The following ROBO1 variants were observed in gnomAD, a reference collection of about 807,000 sequenced individuals.
The protein encoded by ROBO1 is roundabout homolog 1.
ROBO1 carries 149 observed loss-of-function variants against 195.9 expected under a neutral mutation model. That is an observed-to-expected ratio of 0.76 (90% CI 0.67 to 0.87). The LOEUF is 0.87. ROBO1 is among the 40% of genes least tolerant of loss of function. The pLI, the probability that ROBO1 is intolerant of heterozygous loss-of-function variation, is 0.00. For synonymous variants in ROBO1, 816 were observed against 733.2 expected, an observed-to-expected ratio of 1.11 and a Z score of -1.82; for missense variants, 1,933 against 2,068.3, an observed-to-expected ratio of 0.93 and a Z score of 1.27.
chr3:79,228,618 T>A (rs2082267507), intron 2 of ROBO1, among the ~76,000 whole-genome samples: 1 of 152,126 alleles, frequency 6.6e-6, no homozygotes, highest in Non-Finnish European at 1.5e-5. Context: ...CAAATATTTC[T>A]CCAAAATTAG....
chr3:79,235,997 G>A (rs2082400251), intron 2 of ROBO1, among the ~76,000 whole-genome samples: 1 of 151,926 alleles, frequency 6.6e-6, no homozygotes, highest in Non-Finnish European at 1.5e-5. Flanking sequence ...CTTTCTCACA[G>A]AGAAGTTATC....
At chr3:79,280,318 T>C (rs1011243793) in intron 2 of ROBO1, among the ~76,000 whole-genome samples, 10 of 152,306 alleles carry the variant, frequency 6.6e-5, no homozygotes, top group African/African-American at 2.4e-4. Flanking sequence ...TTATATGTTT[T>C]GAAATATCAT....
At chr3:79,343,350 C>A (rs752212666) in intron 2 of ROBO1, among the ~76,000 whole-genome samples, 17 of 151,926 alleles carry the variant, frequency 1.1e-4, no homozygotes, top group Non-Finnish European at 2.1e-4. Flanking sequence ...GAGTAAATAC[C>A]GAGGAGTGTG....
intron 1 of ROBO1, among the ~76,000 whole-genome samples, chr3:79,605,931 T>C (rs1387788818): frequency 1.3e-5 from 2 of 151,730 alleles, no homozygotes; most frequent in Non-Finnish European, 2.9e-5. Context: ...CTCAGTGTAA[T>C]ATGTATAAAG....
At chr3:79,632,681 A>G (rs965928491) in intron 1 of ROBO1, among the ~76,000 whole-genome samples, 1 of 152,198 alleles carries the variant, frequency 6.6e-6, no homozygotes, top group Non-Finnish European at 1.5e-5. Context: ...AACTGTACAT[A>G]TTGTGGAAGA....
In ROBO1 at chr3:79,590,058, AT is replaced by A. The variant is rs1190822009; in HGVS notation, c.-50-98del. The stretch of plus-strand genomic sequence containing the variant: ...GCAGTTCAAATAGATTTGAAATGTC[AT>A]TTTTTGAAATAATGAAACAAAATTA... On this transcript the variant is annotated intron_variant, in intron 1 of 30. Transcript: ENST00000464233. 1.1e-5 allele frequency: 6 copies of A among 534,916 alleles called. No individual in the cohort carries two copies. In the Admixed American group the frequency reaches 1.4e-4, roughly 13 times the overall value. 33.1% of individuals were successfully genotyped at this position (534,916 alleles called of 1,614,324 possible). A position where few individuals can be genotyped will look rare whatever the true frequency, so the allele number is the denominator to read the frequency against.
chr3:79,281,519 T>C (rs1434128064), intron 2 of ROBO1, among the ~76,000 whole-genome samples: 2 of 152,156 alleles, frequency 1.3e-5, no homozygotes, highest in African/African-American at 4.8e-5. Context: ...GAATAAACAT[T>C]CTATAGAATG....
rs144997800 is a variant in ROBO1, at chr3:79,333,929, A to G, written c.89-208390T>C. Among the ~76,000 whole-genome samples the G allele has an allele frequency of 5.9e-5, 9 of 152,288 alleles. No homozygotes were observed. In the East Asian group the frequency reaches 1.7e-3, roughly 29 times the overall value. ...CTAACACATGATAAAATGCATGTAAATGCTACCAGATTGGCACAAAACTCT... is the reference window on the plus strand; with the variant it reads ...CTAACACATGATAAAATGCATGTAAGTGCTACCAGATTGGCACAAAACTCT... On this transcript the variant is annotated intron_variant, in intron 2 of 30. Transcript: ENST00000464233.
intron 4 of ROBO1, among the ~76,000 whole-genome samples, chr3:78,754,013 A>C (rs2082865107): frequency 6.6e-6 from 1 of 152,246 alleles, no homozygotes; most frequent in African/African-American, 2.4e-5. Context: ...ACAGAAGTCT[A>C]GAATGTCAGA....
chr3:78,931,236 C>CTTTCTT (rs2039508358), intron 4 of ROBO1, among the ~76,000 whole-genome samples: 1 of 79,208 alleles, frequency 1.3e-5, no homozygotes, highest in Non-Finnish European at 2.4e-5. Flanking sequence ...TTCTTTCTTT[C>CTTTCTT]TTTTTTTTTT....
intron 2 of ROBO1, among the ~76,000 whole-genome samples, chr3:79,539,795 A>G (rs1476804548): frequency 6.6e-6 from 1 of 152,074 alleles, no homozygotes; most frequent in East Asian, 1.9e-4. Context: ...CCTCCATAAC[A>G]CATATGCCCA....
At chr3:79,393,428 A>C (rs184408812) in intron 2 of ROBO1, among the ~76,000 whole-genome samples, 80 of 152,306 alleles carry the variant, frequency 5.3e-4, no homozygotes, top group Admixed American at 1.4e-3. Context: ...AAAAGAATAG[A>C]CTATAAATTA....
intron 2 of ROBO1, among the ~76,000 whole-genome samples, chr3:79,483,763 CATTGCT>C (rs1413699699): frequency 6.6e-6 from 1 of 152,014 alleles, no homozygotes; most frequent in African/African-American, 2.4e-5. Context: ...TTGATGGAAG[CATTGCT>C]AAGATGAGCA....
At chr3:79,278,153 A>T (rs2108992952) in intron 2 of ROBO1, among the ~76,000 whole-genome samples, 1 of 152,256 alleles carries the variant, frequency 6.6e-6, no homozygotes, top group Admixed American at 6.5e-5. Flanking sequence ...CACTGATGAA[A>T]TTAATTGAAG....
intron 1 of ROBO1, among the ~76,000 whole-genome samples, chr3:79,709,132 C>G (rs996952235): frequency 3.3e-5 from 5 of 152,016 alleles, no homozygotes; most frequent in Admixed American, 6.6e-5. Context: ...TTAACTTAAG[C>G]AAAACAAAAT....
chr3:79,079,728 T>A (rs558331291), intron 3 of ROBO1, among the ~76,000 whole-genome samples: 1 of 151,870 alleles, frequency 6.6e-6, no homozygotes, highest in East Asian at 1.9e-4. Flanking sequence ...TAGTGCCTGC[T>A]CATCTCAATG....
At chr3:78,955,634 CT>C (rs1576464159) in intron 3 of ROBO1, among the ~76,000 whole-genome samples, 1 of 151,986 alleles carries the variant, frequency 6.6e-6, no homozygotes, top group African/African-American at 2.4e-5. Context: ...AATTAAAGTA[CT>C]AAAAATAAAG....
chr3:79,379,527 A>G, intron 2 of ROBO1, among the ~76,000 whole-genome samples: 1 of 152,242 alleles, frequency 6.6e-6, no homozygotes, highest in Non-Finnish European at 1.5e-5. Flanking sequence ...AAACCTAAAG[A>G]TACTTCAATT....
chr3:79,367,631 T>A (rs1329679422), intron 2 of ROBO1, among the ~76,000 whole-genome samples: 1 of 152,224 alleles, frequency 6.6e-6, no homozygotes, highest in Non-Finnish European at 1.5e-5. Flanking sequence ...TGGATGATTA[T>A]AATAGACAAT....
Sources: gnomAD v4.1 joint callset for allele counts (sites outside exome capture counted in the v4.1 genomes callset) on GRCh38, gnomAD v4.1.1 for gene constraint, MANE v1.5 for transcripts, NCBI Gene and HGNC (gene_info 2026-07-23, HGNC 2026-07-21) for gene names.